The following LRBA variants were observed in gnomAD, a reference collection of about 807,000 sequenced individuals.
LRBA encodes the protein lipopolysaccharide-responsive and beige-like anchor protein.
Under a neutral mutation model 330.0 loss-of-function variants are expected in LRBA, and 176 were observed. The ratio of observed to expected loss-of-function variants is 0.53; its 90% CI spans 0.47 to 0.60. The LOEUF (loss-of-function observed/expected upper bound fraction) is 0.60, where lower values mean the gene tolerates loss of function less well. LRBA is among the 20% of genes least tolerant of loss of function. The pLI, the probability that LRBA is intolerant of heterozygous loss-of-function variation, is 0.00. For synonymous variants in LRBA, 1,230 were observed against 1,193.0 expected, an observed-to-expected ratio of 1.03 and a Z score of -0.64; for missense variants, 3,259 against 3,444.8, an observed-to-expected ratio of 0.95 and a Z score of 1.35.
intron 45 of LRBA, 98 bp from the exon 46 acceptor site, chr4:150,435,806 C>T (rs1751037051): frequency 1.3e-6 from 1 of 763,872 alleles, no homozygotes; most frequent in African/African-American, 1.7e-5. Context: ...GACTAATAGG[C>T]ATTCACTAGT....
intron 33 of LRBA, 59 bp from the exon 34 acceptor site, chr4:150,798,201 C>A: frequency 9.6e-7 from 1 of 1,043,302 alleles, no homozygotes; most frequent in Non-Finnish European, 1.5e-6. Flanking sequence ...GGATTTGTTA[C>A]AATTTCATCC....
chr4:150,502,904 TA>T (rs1760480761), intron 40 of LRBA, among the ~76,000 whole-genome samples: 1 of 152,254 alleles, frequency 6.6e-6, no homozygotes, highest in Admixed American at 6.5e-5. Flanking sequence ...AAGGAGATTA[TA>T]TCCCGCACCT....
intron 40 of LRBA, among the ~76,000 whole-genome samples, chr4:150,507,558 A>G (rs1055012210): frequency 1.3e-5 from 2 of 152,200 alleles, no homozygotes; most frequent in Admixed American, 1.3e-4. Context: ...CCTTCCTTAC[A>G]CCTTATACAA....
intron 37 of LRBA, among the ~76,000 whole-genome samples, chr4:150,662,439 C>T (rs755999518): frequency 1.3e-4 from 20 of 152,244 alleles, no homozygotes; most frequent in Non-Finnish European, 2.1e-4. Context: ...AGAAGAATTA[C>T]CAGATAAATA....
intron 26 of LRBA, among the ~76,000 whole-genome samples, chr4:150,847,574 T>C (rs1432122569): frequency 6.6e-6 from 1 of 152,210 alleles, no homozygotes; most frequent in African/African-American, 2.4e-5. Flanking sequence ...TATGTTTTCA[T>C]AGGTGCTTTA....
intron 36 of LRBA, among the ~76,000 whole-genome samples, chr4:150,687,489 A>C (rs1561516514): frequency 6.6e-6 from 1 of 152,144 alleles, no homozygotes; most frequent in African/African-American, 2.4e-5. Context: ...GCACTATATA[A>C]ACTAGATAAT....
chr4:150,510,139 C>CA (rs1344991996), intron 40 of LRBA, among the ~76,000 whole-genome samples: 5 of 148,938 alleles, frequency 3.4e-5, no homozygotes, highest in Non-Finnish European at 7.4e-5. Context: ...GACTCCATCT[C>CA]AAAAAAAAAG....
intron 28 of LRBA, among the ~76,000 whole-genome samples, chr4:150,838,906 T>C (rs1269660205): frequency 6.6e-6 from 1 of 152,128 alleles, no homozygotes. Flanking sequence ...CTATTTAAAC[T>C]GAAGAGCTTC....
At chr4:150,802,839 G>A (rs1741864491) in intron 33 of LRBA, among the ~76,000 whole-genome samples, 1 of 151,612 alleles carries the variant, frequency 6.6e-6, no homozygotes, top group Admixed American at 6.6e-5. Context: ...CCTGGGCAAT[G>A]TGGCGAAACC....
intron 47 of LRBA, among the ~76,000 whole-genome samples, chr4:150,389,064 CAAG>C (rs546678618): frequency 8.2e-4 from 124 of 152,138 alleles, no homozygotes; most frequent in Admixed American, 5.3e-3. Flanking sequence ...AGAAGAATAA[CAAG>C]AAAACATCAA....
At chr4:150,611,892 G>A (rs1319708923) in intron 37 of LRBA, among the ~76,000 whole-genome samples, 7 of 151,988 alleles carry the variant, frequency 4.6e-5, no homozygotes, top group Non-Finnish European at 7.4e-5. Context: ...TTATTTCTAC[G>A]CGCTCTCTCT....
intron 36 of LRBA, chr4:150,721,318 G>A: frequency 3.1e-6 from 1 of 324,806 alleles, no homozygotes; most frequent in South Asian, 3.3e-5. Context: ...AAAGTACTTT[G>A]TATTGATCAA....
chr4:150,842,471 T>A (rs1288484448), intron 28 of LRBA, among the ~76,000 whole-genome samples: 2 of 152,152 alleles, frequency 1.3e-5, no homozygotes, highest in Non-Finnish European at 1.5e-5. Context: ...TCTAGATTTT[T>A]AAGGATCATT....
rs190800109 is a variant in LRBA at position 150,585,208 on chromosome 4, A to G, written c.6330+2840T>C. The stretch of plus-strand genomic sequence containing the variant: ...ATTTAACAATTAAATAAACCACAAC[A>G]AAAAATACAATGGTTATAGCAATAA... On this transcript the variant is annotated intron_variant, in intron 40 of 56. Transcript: ENST00000651943. Among the ~76,000 whole-genome samples, 4 of 150,442 alleles carry G rather than the reference A, an allele frequency of 2.7e-5. No individual in the cohort carries two copies. The East Asian group carries it at 7.7e-4, about 29-fold the overall frequency.
intron 36 of LRBA, among the ~76,000 whole-genome samples, chr4:150,702,355 T>C (rs1490816454): frequency 1.3e-5 from 2 of 152,106 alleles, no homozygotes; most frequent in African/African-American, 2.4e-5. Context: ...GGAAAAAACA[T>C]ATAAAGTCAT....
chr4:151,009,078 G>A (rs1352581072), intron 2 of LRBA, among the ~76,000 whole-genome samples: 1 of 136,050 alleles, frequency 7.4e-6, no homozygotes, highest in Non-Finnish European at 1.5e-5. Context: ...TGTTGCACAG[G>A]CTGGTGTTGA....
chr4:150,566,853 C>T (rs1162584084), intron 40 of LRBA, among the ~76,000 whole-genome samples: 1 of 152,008 alleles, frequency 6.6e-6, no homozygotes, highest in Non-Finnish European at 1.5e-5. Context: ...GAAATCAAAT[C>T]AGAAATTGAA....
Position 150,321,706 on chromosome 4 carries a change from G to A in LRBA, c.7453-338C>T, listed in dbSNP as rs1267593492. 6.6e-6 allele frequency among the ~76,000 whole-genome samples: 1 copy of A among 152,146 alleles called. No individual in the cohort carries two copies. The highest frequency in any genetic ancestry group is 1.5e-5 in the Non-Finnish European group (1 of 68,012). ...GATTTAGATTCTACACAGGCAAAGT[G>A]CTGGGGATTGCATTAAACCATTCTG... On this transcript the variant is annotated intron_variant, in intron 49 of 56. Transcript: ENST00000651943. The surrounding 1 kb of genome is among the most constrained non-coding windows in gnomAD (Gnocchi z 4.5).
At chr4:150,590,379 A>C (rs1237436490) in intron 39 of LRBA, among the ~76,000 whole-genome samples, 2 of 142,158 alleles carry the variant, frequency 1.4e-5, no homozygotes, top group East Asian at 2.0e-4. Flanking sequence ...AAAAAAAAAA[A>C]CTGGCAGAAT....
Sources: allele counts gnomAD v4.1 joint callset (sites outside exome capture counted in the v4.1 genomes callset), GRCh38; gene constraint gnomAD v4.1.1; non-coding constraint Gnocchi (gnomAD v3.1); transcripts MANE v1.5; gene names NCBI Gene and HGNC (gene_info 2026-07-23, HGNC 2026-07-21).